The following HSD17B1 variants were observed in gnomAD, a reference collection of about 807,000 sequenced individuals.
HSD17B1 encodes hydroxysteroid 17-beta dehydrogenase 1.
A neutral mutation model predicts 22.7 loss-of-function variants in HSD17B1; 16 were observed. The ratio of observed to expected loss-of-function variants is 0.71; its 90% CI spans 0.48 to 1.07. HSD17B1 has a LOEUF of 1.07. Among genes scored for constraint, HSD17B1 ranks in the 50% least tolerant of loss-of-function variants. The pLI is 0.00. For missense variants in HSD17B1, 533 were observed against 459.9 expected (o/e 1.16, Z -1.45); for synonymous variants, 243 against 211.0 (o/e 1.15, Z -1.31).
At chr17:42,553,974 G>T in intron 4 of HSD17B1, 87 bp downstream of exon 4, 1 of 1,164,844 alleles carries the variant, frequency 8.6e-7, no homozygotes, top group Non-Finnish European at 1.3e-6. Flanking sequence ...GCTCTGGGGC[G>T]ATCTCCCTGG....
In HSD17B1 at chr17:42,553,890, G is replaced by A. The variant is rs754492233; in HGVS notation, c.539+3G>A. 6 of 1,610,220 alleles carry A rather than the reference G, an allele frequency of 3.7e-6. No individual in the cohort carries two copies. Among genetic ancestry groups the A allele is most frequent in the African/African-American group, 1.3e-5 (1 of 74,974 alleles). On this transcript the variant is annotated splice_donor_region_variant and intron_variant, in intron 4 of 5. Coordinates refer to ENST00000585807, the MANE Select transcript of HSD17B1 (RefSeq NM_000413.4). The stretch of plus-strand genomic sequence containing the variant: ...CTGCTGCTGCCCTTTGGGGTCCAGT[G>A]AGTCAACACCCCCGTTCCCCGAACC...
intron 4 of HSD17B1, 118 bp from the exon 5 acceptor site, chr17:42,554,287 A>C: frequency 7.3e-7 from 1 of 1,370,198 alleles, no homozygotes; most frequent in Non-Finnish European, 9.7e-7. Flanking sequence ...TTCCCAGCGC[A>C]GCGGTGCTGC....
In HSD17B1 at chr17:42,555,108, T is replaced by A; in HGVS notation, c.*170T>A. 1 of 1,326,036 alleles carries A rather than the reference T, an allele frequency of 7.5e-7. No individual in the cohort carries two copies. The highest frequency in any genetic ancestry group is 1.5e-5 in the African/African-American group (1 of 64,634). The allele number at this position is 1,326,036 out of a possible 1,614,324, so 82.1% of individuals were successfully genotyped here. A position where few individuals can be genotyped will look rare whatever the true frequency, so the allele number is the denominator to read the frequency against. On this transcript the variant is annotated 3_prime_UTR_variant, in exon 6 of 6. Transcript: ENST00000585807. ...GGCTGTCGCCTGTAATGCCAGCGCT[T>A]TGGGAGGCGGAGGCAGGAGGATCGC...
intron 1 of HSD17B1, 38 bp downstream of exon 1, chr17:42,553,068 G>C (rs72547448): frequency 1.2e-6 from 2 of 1,613,942 alleles, no homozygotes; most frequent in Non-Finnish European, 1.7e-6. Flanking sequence ...GAGAAGGGAG[G>C]AGCCCTTGGA....
At chr17:42,554,123 C>T in intron 4 of HSD17B1, 2 of 637,924 alleles carry the variant, frequency 3.1e-6, no homozygotes, top group Non-Finnish European at 5.4e-6. Flanking sequence ...GGTTAGGTGA[C>T]TGGCCCAAGG....
chr17:42,553,828 G>A lies in HSD17B1; in HGVS notation c.480G>A (p.Lys160=). The change falls in exon 4 of 6, where the codon AAG becomes AAA. Residue 160 remains lysine (K), a synonymous_variant. Transcript: ENST00000585807. Reference sequence around the variant, plus strand: ...TCAATGACGTTTATTGCGCCAGCAAGTTCGCGCTCGAAGGCTTATGCGAGA... The same window carrying A: ...TCAATGACGTTTATTGCGCCAGCAAATTCGCGCTCGAAGGCTTATGCGAGA... ...LPFNDVYCAS[K]FALEGLCESL... The A allele has an allele frequency of 6.2e-7, 1 of 1,613,544 alleles. No homozygotes were observed. Among genetic ancestry groups the A allele is most frequent in the Non-Finnish European group, 8.5e-7 (1 of 1,179,734 alleles).
chr17:42,553,068 G>A lies in HSD17B1; in HGVS notation c.97+38G>A, dbSNP rs72547448. On this transcript the variant is annotated intron_variant, in intron 1 of 5. Coordinates refer to ENST00000585807, the MANE Select transcript of HSD17B1 (RefSeq NM_000413.4). ...AGGGACAGGGAGGGAGAGAAGGGAG[G>A]AGCCCTTGGAGGCCAGAAGGGAAGT... 13,250 of 1,614,030 alleles carry A rather than the reference G, an allele frequency of 8.2e-3. 993 individuals carry two copies. The African/African-American group carries it at 0.16, about 19-fold the overall frequency.
In HSD17B1 at chr17:42,553,578, G is replaced by C. The variant is rs369323769; in HGVS notation, c.405G>C (p.Ser135=). The change falls in exon 3 of 6, where the codon TCG becomes TCC. Residue 135 remains serine (S), a synonymous_variant. Transcript: ENST00000585807. The part of the protein sequence containing the change: ...AFLPDMKRRG[S]GRVLVTGSVG... ...TGCCAGACATGAAGAGGCGCGGTTC[G>C]GGACGCGTGTTGGTGACCGGGAGCG... 10 of 1,612,308 alleles carry C rather than the reference G, an allele frequency of 6.2e-6. No individual in the cohort carries two copies. Among genetic ancestry groups the C allele is most frequent in the African/African-American group, 2.7e-5 (2 of 74,898 alleles).
chr17:42,555,039 G>A lies in HSD17B1; in HGVS notation c.*101G>A. The A allele has an allele frequency of 7.2e-7, 1 of 1,397,762 alleles. No individual in the cohort carries two copies. 86.6% of individuals were successfully genotyped at this position (1,397,762 alleles called of 1,614,324 possible). A position where few individuals can be genotyped will look rare whatever the true frequency, so the allele number is the denominator to read the frequency against. ...GTAGCAGCTGTGGGTGGCTAATTAA[G>A]ATAGATCGCGTTAGCCAGTTTTACC... On this transcript the variant is annotated 3_prime_UTR_variant, in exon 6 of 6. Transcript: ENST00000585807.
intron 4 of HSD17B1, 103 bp from the exon 5 acceptor site, chr17:42,554,302 G>C (rs1333870163): frequency 1.3e-5 from 19 of 1,421,774 alleles, no homozygotes; most frequent in Non-Finnish European, 1.6e-5. Context: ...TGCTGCTCGC[G>C]GTCGGGGGCC....
At position 42,555,001 on chromosome 17, in the gene HSD17B1, G is replaced by A; in HGVS notation, c.*63G>A. ...TCCCCTGGGTCTGTGTGGTCCCTGGGGATGGGGCGGCGGTAGCAGCTGTGG... is the reference window on the plus strand; with the variant it reads ...TCCCCTGGGTCTGTGTGGTCCCTGGAGATGGGGCGGCGGTAGCAGCTGTGG... On this transcript the variant is annotated 3_prime_UTR_variant, in exon 6 of 6. Coordinates refer to ENST00000585807, the MANE Select transcript of HSD17B1 (RefSeq NM_000413.4). 7.1e-7 allele frequency: 1 copy of A among 1,412,106 alleles called. No individual in the cohort carries two copies. The highest frequency in any genetic ancestry group is 9.2e-7 in the Non-Finnish European group (1 of 1,090,026). 87.5% of individuals were successfully genotyped at this position (1,412,106 alleles called of 1,614,324 possible).
At chr17:42,554,142 C>A in intron 4 of HSD17B1, 1 of 640,698 alleles carries the variant, frequency 1.6e-6, no homozygotes, top group South Asian at 1.9e-5. Context: ...GGTCACACAG[C>A]GGCCAGGGAC....
chr17:42,554,484 C>T lies in HSD17B1; in HGVS notation c.619C>T (p.Arg207Cys), dbSNP rs2092955842. The T allele has an allele frequency of 6.2e-7, 1 of 1,613,716 alleles. No homozygotes were observed. Among genetic ancestry groups the T allele is most frequent in the South Asian group, 1.1e-5 (1 of 91,032 alleles). The stretch of plus-strand genomic sequence containing the variant: ...GGGCAGCCCAGAGGAGGTGCTGGAC[C>T]GCACGGACATCCACACCTTCCACCG... The part of the protein sequence containing the change: ...VLGSPEEVLD[R>C]TDIHTFHRFY... Residue 207 changes from arginine to cysteine, a missense_variant, in exon 5 of 6, where the codon CGC (arginine) becomes TGC (cysteine). Transcript: ENST00000585807.
Position 42,555,062 on chromosome 17 carries a change from A to G in HSD17B1, c.*124A>G. Reference sequence around the variant, plus strand: ...AAGATAGATCGCGTTAGCCAGTTTTACCAGCGCAGCTAGGCGCGATGGCTG... The same window carrying G: ...AAGATAGATCGCGTTAGCCAGTTTTGCCAGCGCAGCTAGGCGCGATGGCTG... On this transcript the variant is annotated 3_prime_UTR_variant, in exon 6 of 6. Transcript: ENST00000585807. The G allele has an allele frequency of 7.3e-7, 1 of 1,377,426 alleles. No homozygotes were observed. Among genetic ancestry groups the G allele is most frequent in the Middle Eastern group, 2.7e-4 (1 of 3,708 alleles). The allele number at this position is 1,377,426 out of a possible 1,614,324, so 85.3% of individuals were successfully genotyped here. A position where few individuals can be genotyped will look rare whatever the true frequency, so the allele number is the denominator to read the frequency against.
rs201791531 is a variant in HSD17B1, at chr17:42,553,870, G to A, written c.522G>A (p.Leu174=). 6.2e-7 allele frequency: 1 copy of A among 1,612,836 alleles called. No individual in the cohort carries two copies. Among genetic ancestry groups the A allele is most frequent in the South Asian group, 1.1e-5 (1 of 90,850 alleles). The change falls in exon 4 of 6, where the codon CTG becomes CTA. Residue 174 remains leucine (L), a synonymous_variant. Coordinates refer to ENST00000585807, the MANE Select transcript of HSD17B1 (RefSeq NM_000413.4). ...EGLCESLAVL[L]LPFGVHLSLI... ...TATGCGAGAGTCTGGCGGTTCTGCTGCTGCCCTTTGGGGTCCAGTGAGTCA... is the reference window on the plus strand; with the variant it reads ...TATGCGAGAGTCTGGCGGTTCTGCTACTGCCCTTTGGGGTCCAGTGAGTCA...
chr17:42,555,085 C>T lies in HSD17B1; in HGVS notation c.*147C>T. Reference sequence around the variant, plus strand: ...TTACCAGCGCAGCTAGGCGCGATGGCTGTCGCCTGTAATGCCAGCGCTTTG... The same window carrying T: ...TTACCAGCGCAGCTAGGCGCGATGGTTGTCGCCTGTAATGCCAGCGCTTTG... On this transcript the variant is annotated 3_prime_UTR_variant, in exon 6 of 6. Transcript: ENST00000585807. 7.3e-6 allele frequency: 10 copies of T among 1,365,542 alleles called. No individual in the cohort carries two copies. The highest frequency in any genetic ancestry group is 9.4e-6 in the Non-Finnish European group (10 of 1,063,428). The allele number at this position is 1,365,542 out of a possible 1,614,324, so 84.6% of individuals were successfully genotyped here. A position where few individuals can be genotyped will look rare whatever the true frequency, so the allele number is the denominator to read the frequency against.
In HSD17B1 at chr17:42,554,601, T is replaced by G. The variant is rs746209407; in HGVS notation, c.717+19T>G. On this transcript the variant is annotated intron_variant, in intron 5 of 5. Transcript: ENST00000585807. ...GGCGGAGGTGAGCGCCGGGCTGGACTCCAGGAGTGGGGGCGGTGCGTCCTC... is the reference window on the plus strand; with the variant it reads ...GGCGGAGGTGAGCGCCGGGCTGGACGCCAGGAGTGGGGGCGGTGCGTCCTC... 1 of 1,610,718 alleles carries G rather than the reference T, an allele frequency of 6.2e-7. No individual in the cohort carries two copies. The highest frequency in any genetic ancestry group is 1.1e-5 in the South Asian group (1 of 91,018).
In HSD17B1 at chr17:42,554,407, T is replaced by A. The variant is rs2092955502; in HGVS notation, c.542T>A (p.Leu181Ter). Residue 181 changes from leucine to a stop codon, truncating the protein, a stop_gained and splice_region_variant, in exon 5 of 6, where the codon TTG (leucine) becomes TAG (stop). Transcript: ENST00000585807. LOFTEE classifies it high-confidence loss of function. The stretch of plus-strand genomic sequence containing the variant: ...ACTCGTTGCTCTCCGGCCAGCAGCT[T>A]GAGCCTGATCGAGTGCGGCCCAGTG... ...AVLLLPFGVH[L>*]SLIECGPVHT... 6.2e-7 allele frequency: 1 copy of A among 1,604,442 alleles called. No homozygotes were observed. Among genetic ancestry groups the A allele is most frequent in the Non-Finnish European group, 8.5e-7 (1 of 1,174,236 alleles).
chr17:42,554,019 G>A, intron 4 of HSD17B1, 132 bp downstream of exon 4: 2 of 823,852 alleles, frequency 2.4e-6, no homozygotes, highest in East Asian at 5.3e-5. Flanking sequence ...CTGTGTGCCA[G>A]GCACTTGGGC....
Sources: allele counts gnomAD v4.1 joint callset, GRCh38; gene constraint gnomAD v4.1.1; transcripts MANE v1.5; gene names NCBI Gene and HGNC (gene_info 2026-07-23, HGNC 2026-07-21).